SLC16A7: variants seen among roughly 807,000 people sequenced by gnomAD.
The protein encoded by SLC16A7 is solute carrier family 16 member 7.
SLC16A7 carries 33 observed loss-of-function variants against 34.9 expected under a neutral mutation model. The ratio of observed to expected loss-of-function variants is 0.94; its 90% CI spans 0.72 to 1.26. The LOEUF is 1.26. Among genes scored for constraint, SLC16A7 ranks in the 50% most tolerant of loss-of-function variants. The probability of loss-of-function intolerance (pLI) is 0.00; values close to 1 mark genes in which losing one functional copy is unlikely to be tolerated. For synonymous variants in SLC16A7, 201 were observed against 206.6 expected, an observed-to-expected ratio of 0.97 and a Z score of 0.23; for missense variants, 573 against 578.1, an observed-to-expected ratio of 0.99 and a Z score of 0.09.
chr12:59,633,951 T>C (rs1880304462), intron 1 of SLC16A7, among the ~76,000 whole-genome samples: 1 of 152,084 alleles, frequency 6.6e-6, no homozygotes, highest in South Asian at 2.1e-4. Flanking sequence ...CCAAACCATA[T>C]CACTCACTAA....
intron 1 of SLC16A7, among the ~76,000 whole-genome samples, chr12:59,633,846 C>T (rs1880300033): frequency 6.6e-6 from 1 of 151,894 alleles, no homozygotes; most frequent in African/African-American, 2.4e-5. Flanking sequence ...GGCATGGGGC[C>T]AACCACCCCA....
chr12:59,608,694 T>C (rs898337126), intron 1 of SLC16A7, among the ~76,000 whole-genome samples: 1 of 152,202 alleles, frequency 6.6e-6, no homozygotes, highest in African/African-American at 2.4e-5. Context: ...CTAAGTAATA[T>C]ATGCTGTTAA....
At chr12:59,607,147 CA>C (rs1294639080) in intron 1 of SLC16A7, among the ~76,000 whole-genome samples, 5 of 151,792 alleles carry the variant, frequency 3.3e-5, no homozygotes, top group African/African-American at 1.2e-4. Flanking sequence ...TTTACTATCG[CA>C]CTTTAGAGAA....
chr12:59,739,978 C>T (rs1318983898), intron 3 of SLC16A7, among the ~76,000 whole-genome samples: 2 of 152,028 alleles, frequency 1.3e-5, no homozygotes, highest in Admixed American at 1.3e-4. Flanking sequence ...GGAAAATTTT[C>T]TCCCATTTTG....
At chr12:59,648,110 G>A (rs1362735437) in intron 1 of SLC16A7, among the ~76,000 whole-genome samples, 1 of 152,058 alleles carries the variant, frequency 6.6e-6, no homozygotes, top group Non-Finnish European at 1.5e-5. Context: ...GGGTGATTGA[G>A]GATATTTAGG....
intron 1 of SLC16A7, among the ~76,000 whole-genome samples, chr12:59,617,458 G>A (rs184583161): frequency 2.0e-5 from 3 of 151,998 alleles, no homozygotes; most frequent in Admixed American, 6.6e-5. Flanking sequence ...TTGCCTTAAG[G>A]AAAGATCTTT....
intron 1 of SLC16A7, among the ~76,000 whole-genome samples, chr12:59,634,146 G>A (rs113108098): frequency 1.9e-4 from 29 of 152,056 alleles, no homozygotes; most frequent in African/African-American, 6.5e-4. Context: ...TCTGGAATCC[G>A]TTCTTACATA....
At chr12:59,642,419 A>G (rs1463241364) in intron 1 of SLC16A7, among the ~76,000 whole-genome samples, 2 of 151,960 alleles carry the variant, frequency 1.3e-5, no homozygotes, top group Non-Finnish European at 2.9e-5. Flanking sequence ...ATTTTTCATA[A>G]TTATGTTTCT....
chr12:59,626,037 AATTC>A (rs1279479632), intron 1 of SLC16A7, among the ~76,000 whole-genome samples: 3 of 151,864 alleles, frequency 2.0e-5, no homozygotes, highest in Non-Finnish European at 4.4e-5. Flanking sequence ...AGTTATTGCA[AATTC>A]ATTGTCTATG....
At chr12:59,747,535 T>A (rs1592629994) in intron 3 of SLC16A7, among the ~76,000 whole-genome samples, 1 of 152,206 alleles carries the variant, frequency 6.6e-6, no homozygotes, top group Admixed American at 6.5e-5. Flanking sequence ...TGATCTTAAC[T>A]TCTTCTTTCA....
intron 1 of SLC16A7, among the ~76,000 whole-genome samples, chr12:59,611,398 G>A (rs1167463385): frequency 6.6e-6 from 1 of 152,140 alleles, no homozygotes; most frequent in Non-Finnish European, 1.5e-5. Flanking sequence ...ACAGCATGAG[G>A]GTAACTGCTT....
At chr12:59,737,315 A>G (rs1877713024) in intron 3 of SLC16A7, among the ~76,000 whole-genome samples, 1 of 152,228 alleles carries the variant, frequency 6.6e-6, no homozygotes, top group African/African-American at 2.4e-5. Flanking sequence ...TTGAAGATTT[A>G]TAATAAGTTA....
At chr12:59,624,470 T>C (rs995416940) in intron 1 of SLC16A7, among the ~76,000 whole-genome samples, 3 of 151,772 alleles carry the variant, frequency 2.0e-5, no homozygotes, top group Admixed American at 6.6e-5. Flanking sequence ...AGCATGACTT[T>C]GATCTTTATC....
rs370554741 is a variant in SLC16A7 at position 59,607,080 on chromosome 12, C to T, written c.-130+10844C>T. 7.1e-4 allele frequency among the ~76,000 whole-genome samples: 108 copies of T among 152,250 alleles called. 1 individual carries two copies. In the South Asian group the frequency reaches 0.016, roughly 23 times the overall value. ...TTGTTTTCCTGTTTTCTGTGGCTGC[C>T]TTCCTGCTGCAGGGCAAAGTTGAGT... On this transcript the variant is annotated intron_variant, in intron 1 of 5. Coordinates refer to ENST00000547379, the MANE Select transcript of SLC16A7 (RefSeq NM_001270623.2).
chr12:59,617,615 C>T (rs1292258331), intron 1 of SLC16A7, among the ~76,000 whole-genome samples: 2 of 151,938 alleles, frequency 1.3e-5, no homozygotes, highest in Admixed American at 6.6e-5. Flanking sequence ...GAAGTAGGCT[C>T]TGCGCTTGTT....
intron 1 of SLC16A7, among the ~76,000 whole-genome samples, chr12:59,615,703 C>G (rs1412179750): frequency 6.6e-6 from 1 of 152,192 alleles, no homozygotes; most frequent in Non-Finnish European, 1.5e-5. Flanking sequence ...ATATTGTTGC[C>G]ATTGCCTCAG....
intron 2 of SLC16A7, among the ~76,000 whole-genome samples, chr12:59,671,752 A>AATGTGTATATGTATATATGTGTATATAT (rs1869726406): frequency 1.4e-5 from 2 of 142,394 alleles, no homozygotes; most frequent in African/African-American, 5.3e-5. Flanking sequence ...ATGTATATAT[A>AATGTGTATATGTATATATGTGTATATAT]ATGTGTATAT....
intron 3 of SLC16A7, among the ~76,000 whole-genome samples, chr12:59,767,059 C>T (rs1009946732): frequency 2.0e-5 from 3 of 149,656 alleles, no homozygotes; most frequent in East Asian, 2.0e-4. Context: ...TTTAGTCTTG[C>T]GAGGGTGTAT....
intron 3 of SLC16A7, chr12:59,733,866 ACTAG>A (rs1202624059): frequency 2.2e-6 from 1 of 454,806 alleles, no homozygotes; most frequent in Admixed American, 2.4e-5. Flanking sequence ...GGTCGTCCTG[ACTAG>A]CTGAGGAGAC....
Sources: allele counts gnomAD v4.1 joint callset (sites outside exome capture counted in the v4.1 genomes callset), GRCh38; gene constraint gnomAD v4.1.1; transcripts MANE v1.5; gene names NCBI Gene and HGNC (gene_info 2026-07-23, HGNC 2026-07-21).